EOGT: variants seen among roughly 807,000 people sequenced by gnomAD.
EOGT encodes EGF domain specific O-linked N-acetylglucosamine transferase.
In EOGT, 55 loss-of-function variants were observed where a neutral mutation model predicts 70.5. The ratio of observed to expected loss-of-function variants is 0.78; its 90% CI spans 0.63 to 0.98. The LOEUF (loss-of-function observed/expected upper bound fraction) is 0.98. Ranked by LOEUF, EOGT falls within the 50% of genes least tolerant of loss-of-function variation. The pLI, the probability that EOGT is intolerant of heterozygous loss-of-function variation, is 0.00. For synonymous variants in EOGT, 246 were observed against 217.1 expected, an observed-to-expected ratio of 1.13 and a Z score of -1.17; for missense variants, 703 against 641.9, an observed-to-expected ratio of 1.10 and a Z score of -1.03.
intron 8 of EOGT, among the ~76,000 whole-genome samples, chr3:69,002,677 C>A (rs1175448420): frequency 2.0e-5 from 3 of 146,410 alleles, no homozygotes; most frequent in African/African-American, 7.6e-5. Flanking sequence ...TTTTTTGAGA[C>A]AGGGTCTTGA....
chr3:69,008,808 G>T (rs1018322006), intron 4 of EOGT, among the ~76,000 whole-genome samples: 1 of 152,174 alleles, frequency 6.6e-6, no homozygotes, highest in Non-Finnish European at 1.5e-5. Flanking sequence ...TGAATTTCTT[G>T]AAGTAGCTTA....
intron 10 of EOGT, among the ~76,000 whole-genome samples, chr3:68,994,692 G>A (rs926165172): frequency 2.0e-5 from 3 of 152,138 alleles, no homozygotes; most frequent in African/African-American, 4.8e-5. Context: ...TGGGGAGGCC[G>A]AGGCAGGAGA....
chr3:68,984,970 A>G (rs912473054), intron 14 of EOGT, among the ~76,000 whole-genome samples: 1 of 152,122 alleles, frequency 6.6e-6, no homozygotes, highest in African/African-American at 2.4e-5. Context: ...CCGTTACTCT[A>G]ATCACCAGCC....
In EOGT at chr3:68,988,301, T is replaced by C; in HGVS notation, c.1077A>G (p.Gly359=). The C allele has an allele frequency of 6.5e-7, 1 of 1,535,112 alleles. No homozygotes were observed. The highest frequency in any genetic ancestry group is 8.7e-7 in the Non-Finnish European group (1 of 1,145,972). Reference sequence around the variant, plus strand: ...TCCGCAGTGTATCCATTACCTTAGGTCCTTCTTGTGTGATGTTTAGTCTGT... The same window carrying C: ...TCCGCAGTGTATCCATTACCTTAGGCCCTTCTTGTGTGATGTTTAGTCTGT... ...VLHRLNITQE[G]PKDGKIRVTI... Residue 359 remains glycine, a synonymous_variant, in exon 13 of 18, where the codon GGA becomes GGG. Coordinates refer to ENST00000383701, the MANE Select transcript of EOGT (RefSeq NM_001278689.2).
chr3:69,007,925 T>C (rs1410894452), intron 5 of EOGT, 104 bp from the exon 6 acceptor site: 6 of 733,792 alleles, frequency 8.2e-6, no homozygotes, highest in Non-Finnish European at 1.3e-5. Context: ...ATTACTTTAA[T>C]TTTGTTACAG....
At position 69,013,565 on chromosome 3, in the gene EOGT, G is replaced by C. The variant is rs938916168; in HGVS notation, c.-356+9C>G. On this transcript the variant is annotated intron_variant, in intron 1 of 17. Coordinates refer to ENST00000383701, the MANE Select transcript of EOGT (RefSeq NM_001278689.2). ...GGGGAAGGCTCCGCAGATTGCGGGGGAGTCCCACCTGGAGCCGGGGCAGCC... is the reference window on the plus strand; with the variant it reads ...GGGGAAGGCTCCGCAGATTGCGGGGCAGTCCCACCTGGAGCCGGGGCAGCC... 2 of 154,338 alleles carry C rather than the reference G, an allele frequency of 1.3e-5. No homozygotes were observed. The highest frequency in any genetic ancestry group is 2.9e-5 in the Non-Finnish European group (2 of 69,896). 9.6% of individuals were successfully genotyped at this position (154,338 alleles called of 1,614,324 possible). A position where few individuals can be genotyped will look rare whatever the true frequency, so the allele number is the denominator to read the frequency against.
chr3:68,998,005 A>C lies in EOGT; in HGVS notation c.831+6T>G. The C allele has an allele frequency of 6.8e-7, 1 of 1,479,472 alleles. No homozygotes were observed. 91.6% of individuals were successfully genotyped at this position (1,479,472 alleles called of 1,614,324 possible). ...GTACTGAAGCGGAGAGCACATTCTT[A>C]CTTACGGTGTCCCACATCACGATGT... On this transcript the variant is annotated splice_donor_region_variant and intron_variant, in intron 10 of 17. Transcript: ENST00000383701.
intron 10 of EOGT, among the ~76,000 whole-genome samples, chr3:68,996,018 C>A (rs2091137802): frequency 6.6e-6 from 1 of 151,972 alleles, no homozygotes; most frequent in Non-Finnish European, 1.5e-5. Context: ...GCAAAACAAC[C>A]CTGAGTTAAT....
chr3:68,986,929 T>C lies in EOGT; in HGVS notation c.1152+516A>G, dbSNP rs188590393. On this transcript the variant is annotated intron_variant, in intron 14 of 17. Transcript: ENST00000383701. ...CTGAGAGGCTATCTTCAGGCCATGA[T>C]GTTGTAGGTAGTGGCCTTGCATGGT... Among the ~76,000 whole-genome samples the C allele has an allele frequency of 4.5e-3, 678 of 152,310 alleles. 4 individuals are homozygous for C. The highest frequency in any genetic ancestry group is 0.015 in the African/African-American group (641 of 41,556).
chr3:68,979,712 C>A lies in EOGT; in HGVS notation c.1290G>T (p.Leu430=), dbSNP rs1559584589. ...DIFIGMHGAG[L]THLLFLPDWA... ...AGTCTGGAAGGAAAAGTAAATGGGT[C>A]AGACCAGCTCCATGCATTCCAATAA... Residue 430 remains leucine, a synonymous_variant, in exon 16 of 18, where the codon CTG becomes CTT. Transcript: ENST00000383701. 1 of 1,613,922 alleles carries A rather than the reference C, an allele frequency of 6.2e-7. No homozygotes were observed. The highest frequency in any genetic ancestry group is 1.7e-5 in the Admixed American group (1 of 60,018).
chr3:68,981,930 A>T (rs1213122966), intron 15 of EOGT, among the ~76,000 whole-genome samples: 2 of 151,506 alleles, frequency 1.3e-5, no homozygotes, highest in African/African-American at 4.9e-5. Context: ...TTTTTGAGAC[A>T]GAGCCTCGTA....
chr3:68,981,875 A>AACGTTATCAAATGTTTGAT (rs1271204953), intron 15 of EOGT, among the ~76,000 whole-genome samples: 1 of 152,010 alleles, frequency 6.6e-6, no homozygotes, highest in African/African-American at 2.4e-5. Flanking sequence ...AATATTTGAT[A>AACGTTATCAAATGTTTGAT]AATTTTATAA....
rs1008553547 is a variant in EOGT at position 69,004,235 on chromosome 3, C to T, written c.620+143G>A. 159 of 624,380 alleles carry T rather than the reference C, an allele frequency of 2.5e-4. 1 individual carries two copies. The highest frequency in any genetic ancestry group is 5.4e-5 in the Non-Finnish European group (19 of 354,852). 38.7% of individuals were successfully genotyped at this position (624,380 alleles called of 1,614,324 possible). The stretch of plus-strand genomic sequence containing the variant: ...TTCAGATGCAACTGAGGGATTCACT[C>T]GGTTTCCGTCACTTCCCAGAAGCTC... On this transcript the variant is annotated intron_variant, in intron 8 of 17. Coordinates refer to ENST00000383701, the MANE Select transcript of EOGT (RefSeq NM_001278689.2).
rs769492075 is a variant in EOGT, at chr3:68,978,451, T to C, written c.1335-16A>G. 7 of 1,541,238 alleles carry C rather than the reference T, an allele frequency of 4.5e-6. No homozygotes were observed. The East Asian group carries it at 6.9e-5, about 15-fold the overall frequency. On this transcript the variant is annotated splice_polypyrimidine_tract_variant and intron_variant, in intron 16 of 17. Coordinates refer to ENST00000383701, the MANE Select transcript of EOGT (RefSeq NM_001278689.2). ...ACAGTTGTACCTAAGGACACAAGGG[T>C]GTCACAACATGAGGCTTTTGTCCAA...
intron 8 of EOGT, among the ~76,000 whole-genome samples, chr3:69,003,442 T>C (rs57937753): frequency 0.035 from 5,276 of 152,158 alleles, 319 homozygotes; most frequent in African/African-American, 0.12. Context: ...CAAGATCTGA[T>C]AGTTTTATAA....
chr3:69,004,029 T>C (rs1192131786), intron 8 of EOGT, among the ~76,000 whole-genome samples: 1 of 152,216 alleles, frequency 6.6e-6, no homozygotes, highest in Non-Finnish European at 1.5e-5. Context: ...TGAGCCACCA[T>C]TCCTGGCCTT....
intron 9 of EOGT, among the ~76,000 whole-genome samples, chr3:69,000,563 A>G (rs2091269688): frequency 6.6e-6 from 1 of 152,244 alleles, no homozygotes; most frequent in Non-Finnish European, 1.5e-5. Flanking sequence ...CAGAAGGCAG[A>G]GCACATTAAA....
At position 68,988,738 on chromosome 3, in the gene EOGT, G is replaced by A. The variant is rs940526302; in HGVS notation, c.925-161C>T. The A allele has an allele frequency of 4.0e-5, 26 of 649,804 alleles. No individual in the cohort carries two copies. The South Asian group carries it at 5.9e-4, about 15-fold the overall frequency. The allele number at this position is 649,804 out of a possible 1,614,324, so 40.3% of individuals were successfully genotyped here. ...AGAACAGAATTCATATTTTTGGAAA[G>A]ATTATAGAAAAAACTTTTCAAAGGC... On this transcript the variant is annotated intron_variant, in intron 11 of 17. Coordinates refer to ENST00000383701, the MANE Select transcript of EOGT (RefSeq NM_001278689.2).
chr3:68,987,839 C>T (rs1038312553), intron 13 of EOGT: 4 of 414,218 alleles, frequency 9.7e-6, no homozygotes, highest in African/African-American at 2.0e-5. Flanking sequence ...CAGGAGGAAG[C>T]ACATTCTTGT....
Sources: gnomAD v4.1 joint callset for allele counts (sites outside exome capture counted in the v4.1 genomes callset) on GRCh38, gnomAD v4.1.1 for gene constraint, MANE v1.5 for transcripts, NCBI Gene and HGNC (gene_info 2026-07-23, HGNC 2026-07-21) for gene names.